The following C8orf34 variants were observed in gnomAD, a reference collection of about 807,000 sequenced individuals.
C8orf34 encodes chromosome 8 open reading frame 34.
C8orf34 carries 65 observed loss-of-function variants against 68.3 expected under a neutral mutation model. That is an observed-to-expected ratio of 0.95 (90% CI 0.78 to 1.17). The LOEUF is 1.17. Among genes scored for constraint, C8orf34 ranks in the 50% most tolerant of loss-of-function variants. The pLI is 0.00. For synonymous variants in C8orf34, 244 were observed against 241.2 expected (o/e 1.01, Z -0.11); for missense variants, 664 against 655.4 (o/e 1.01, Z -0.14).
At chr8:68,585,298 A>C (rs1817176582) in intron 7 of C8orf34, among the ~76,000 whole-genome samples, 1 of 151,810 alleles carries the variant, frequency 6.6e-6, no homozygotes, top group African/African-American at 2.4e-5. Context: ...CAAAACCAAA[A>C]ACCAAAAACC....
intron 1 of C8orf34, among the ~76,000 whole-genome samples, chr8:68,394,598 A>G (rs1337699196): frequency 1.3e-5 from 2 of 152,130 alleles, no homozygotes; most frequent in African/African-American, 2.4e-5. Flanking sequence ...TTGAGTGCCA[A>G]ATATTTTACA....
chr8:68,557,286 C>A (rs1816283855), intron 7 of C8orf34, among the ~76,000 whole-genome samples: 1 of 152,116 alleles, frequency 6.6e-6, no homozygotes, highest in Non-Finnish European at 1.5e-5. Flanking sequence ...AATCCATTAA[C>A]CTTCTCCGTG....
intron 7 of C8orf34, among the ~76,000 whole-genome samples, chr8:68,543,665 C>T (rs1478742558): frequency 1.3e-5 from 2 of 152,132 alleles, no homozygotes; most frequent in East Asian, 3.8e-4. Context: ...TGCAATTAAA[C>T]ACTAACTATG....
At chr8:68,435,809 G>A (rs192782181) in intron 1 of C8orf34, among the ~76,000 whole-genome samples, 86 of 152,244 alleles carry the variant, frequency 5.6e-4, no homozygotes, top group African/African-American at 1.4e-3. Context: ...CTTTGTAGTC[G>A]TTATCTTATT....
intron 1 of C8orf34, among the ~76,000 whole-genome samples, chr8:68,432,990 A>G (rs1810510994): frequency 6.6e-6 from 1 of 152,206 alleles, no homozygotes; most frequent in Admixed American, 6.5e-5. Flanking sequence ...TTCACTGGGA[A>G]TGGTGACATC....
At chr8:68,422,837 C>A (rs982040228) in intron 1 of C8orf34, among the ~76,000 whole-genome samples, 1 of 152,222 alleles carries the variant, frequency 6.6e-6, no homozygotes, top group Non-Finnish European at 1.5e-5. Context: ...GGTTCCCAAA[C>A]CTCAGTTCTT....
intron 1 of C8orf34, among the ~76,000 whole-genome samples, chr8:68,415,324 AC>A (rs1290029803): frequency 2.0e-5 from 3 of 152,142 alleles, no homozygotes; most frequent in East Asian, 1.9e-4. Context: ...TACTAAAAGG[AC>A]AAAAATTAGC....
chr8:68,359,687 A>G (rs1806902317), intron 1 of C8orf34, among the ~76,000 whole-genome samples: 1 of 152,180 alleles, frequency 6.6e-6, no homozygotes, highest in Non-Finnish European at 1.5e-5. Context: ...AGCTGAAAAA[A>G]CATTGAGAAT....
At chr8:68,335,979 C>T (rs191539837) in intron 1 of C8orf34, among the ~76,000 whole-genome samples, 6 of 151,942 alleles carry the variant, frequency 3.9e-5, no homozygotes, top group African/African-American at 7.2e-5. Context: ...CCCAGCTCCT[C>T]GGGAGGCTGA....
intron 3 of C8orf34, among the ~76,000 whole-genome samples, chr8:68,453,516 C>A (rs190304149): frequency 6.6e-6 from 1 of 152,078 alleles, no homozygotes; most frequent in African/African-American, 2.4e-5. Flanking sequence ...TCCAGAGGAT[C>A]TTATTCCTTC....
chr8:68,466,336 G>T (rs974587573), intron 3 of C8orf34, among the ~76,000 whole-genome samples: 9 of 151,958 alleles, frequency 5.9e-5, no homozygotes, highest in Non-Finnish European at 1.2e-4. Context: ...GGTGACTATA[G>T]TTAACACGAG....
At chr8:68,393,238 A>C (rs1808546220) in intron 1 of C8orf34, among the ~76,000 whole-genome samples, 1 of 152,150 alleles carries the variant, frequency 6.6e-6, no homozygotes. Flanking sequence ...TATTTTCCAC[A>C]CATTACAAAA....
At chr8:68,525,370 G>A (rs1814928559) in intron 6 of C8orf34, 1 of 295,968 alleles carries the variant, frequency 3.4e-6, no homozygotes, top group African/African-American at 2.2e-5. Flanking sequence ...TCAAAGAACA[G>A]AAGGCTTGAA....
chr8:68,346,300 T>TATAG (rs1554597208), intron 1 of C8orf34, among the ~76,000 whole-genome samples: 1 of 148,560 alleles, frequency 6.7e-6, no homozygotes, highest in Non-Finnish European at 1.5e-5. Flanking sequence ...ATCATATTGT[T>TATAG]AGGATTTAGG....
chr8:68,528,385 C>T (rs1815103391), intron 6 of C8orf34, among the ~76,000 whole-genome samples: 1 of 152,152 alleles, frequency 6.6e-6, no homozygotes, highest in African/African-American at 2.4e-5. Context: ...AACTGGGACC[C>T]CAAAAACACT....
At chr8:68,429,919 G>A (rs1340752042) in intron 1 of C8orf34, among the ~76,000 whole-genome samples, 4 of 152,114 alleles carry the variant, frequency 2.6e-5, no homozygotes, top group Non-Finnish European at 5.9e-5. Context: ...CTGACACGTA[G>A]AACCTAAAAC....
intron 5 of C8orf34, among the ~76,000 whole-genome samples, chr8:68,490,803 C>T (rs1056474003): frequency 2.6e-5 from 4 of 152,138 alleles, no homozygotes; most frequent in Non-Finnish European, 4.4e-5. Context: ...CCATTCTTTG[C>T]CTGTCTGGCA....
chr8:68,728,217 T>A (rs1025714240), intron 10 of C8orf34, among the ~76,000 whole-genome samples: 2 of 152,166 alleles, frequency 1.3e-5, no homozygotes, highest in Non-Finnish European at 2.9e-5. Context: ...GCCAGTCTCT[T>A]AGCTAAAACA....
chr8:68,486,229 G>T (rs941599878), intron 4 of C8orf34, among the ~76,000 whole-genome samples: 47 of 152,042 alleles, frequency 3.1e-4, no homozygotes, highest in Non-Finnish European at 1.9e-4. Context: ...AGATCTCTTA[G>T]TCTCACATCT....
Sources: gnomAD v4.1 joint callset for allele counts (sites outside exome capture counted in the v4.1 genomes callset) on GRCh38, gnomAD v4.1.1 for gene constraint, MANE v1.5 for transcripts, NCBI Gene and HGNC (gene_info 2026-07-23, HGNC 2026-07-21) for gene names.